DNAJC7: variants seen among roughly 807,000 people sequenced by gnomAD.
DNAJC7 encodes DnaJ heat shock protein family (Hsp40) member C7.
Under a neutral mutation model 67.4 loss-of-function variants are expected in DNAJC7, and 18 were observed. The ratio of observed to expected loss-of-function variants is 0.27; its 90% CI spans 0.18 to 0.40. The LOEUF is 0.40. Ranked by LOEUF, DNAJC7 falls within the 10% of genes least tolerant of loss-of-function variation. DNAJC7 has a pLI of 1.00. For missense variants in DNAJC7, 419 were observed against 613.8 expected (o/e 0.68, Z 3.35); for synonymous variants, 220 against 207.8 (o/e 1.06, Z -0.50).
chr17:41,994,422 CA>C (rs538034284), intron 5 of DNAJC7, among the ~76,000 whole-genome samples: 51 of 147,024 alleles, frequency 3.5e-4, no homozygotes, highest in South Asian at 2.6e-3. Flanking sequence ...CCTGTAATCC[CA>C]GGGTGGCTGA....
chr17:42,016,939 G>T, intron 1 of DNAJC7: 2 of 1,149,942 alleles, frequency 1.7e-6, no homozygotes, highest in South Asian at 1.8e-5. Flanking sequence ...TTTGGAGACG[G>T]AAAGTGCAGA....
rs782731150 is a variant in DNAJC7 at position 41,997,211 on chromosome 17, A to G, written c.195T>C (p.Tyr65=). 22 of 1,613,806 alleles carry G rather than the reference A, an allele frequency of 1.4e-5. No individual in the cohort carries two copies. In the African/African-American group the frequency reaches 1.7e-4, roughly 13 times the overall value. Residue 65 remains tyrosine, a synonymous_variant, in exon 3 of 14, where the codon TAT becomes TAC. Coordinates refer to ENST00000457167, the MANE Select transcript of DNAJC7 (RefSeq NM_003315.4). The stretch of plus-strand genomic sequence containing the variant: ...TCATCAAGGTGGCTGCTCGATTACC[A>G]TAATAGCTAGCATTTTTAGGACACA... ...IDMCPKNASY[Y]GNRAATLMML... is the part of the protein sequence containing the mutation.
intron 12 of DNAJC7, among the ~76,000 whole-genome samples, chr17:41,981,382 G>C (rs140110380): frequency 1.3e-3 from 200 of 152,244 alleles, no homozygotes; most frequent in African/African-American, 4.7e-3. Context: ...TTTTAGTAGA[G>C]ACGAGGTTTC....
chr17:42,013,300 A>T (rs1598156555), intron 1 of DNAJC7: 1 of 152,374 alleles, frequency 6.6e-6, no homozygotes, highest in East Asian at 1.9e-4. Flanking sequence ...ATGCAAAAAA[A>T]TTGAAATCCA....
chr17:42,016,128 G>A (rs542645701), intron 1 of DNAJC7: 5 of 152,268 alleles, frequency 3.3e-5, no homozygotes, highest in African/African-American at 1.2e-4. Context: ...TATCCCAGGG[G>A]CCTATTACAC....
chr17:42,008,174 T>C (rs1449149329), intron 1 of DNAJC7, among the ~76,000 whole-genome samples: 1 of 150,742 alleles, frequency 6.6e-6, no homozygotes, highest in Non-Finnish European at 1.5e-5. Flanking sequence ...TAGCCGGGCA[T>C]GATGGAGGGT....
chr17:41,977,333 A>C lies in DNAJC7; in HGVS notation c.1385-10T>G. 1 of 1,574,352 alleles carries C rather than the reference A, an allele frequency of 6.4e-7. No homozygotes were observed. ...TTGTTTGGATCAAAATCTGTAGAGC[A>C]GGGCAAGTAACATGGAAGGGAAGAA... On this transcript the variant is annotated splice_polypyrimidine_tract_variant and intron_variant, in intron 12 of 13. Transcript: ENST00000457167.
chr17:41,979,690 C>T (rs8066921), intron 12 of DNAJC7, among the ~76,000 whole-genome samples: 103,259 of 138,146 alleles, frequency 0.75, 40,479 homozygotes, highest in East Asian at 0.86. Context: ...AGGCCGGGCG[C>T]GGTGGCTCAC....
intron 9 of DNAJC7, chr17:41,985,184 A>T (rs531940480): frequency 1.3e-5 from 2 of 152,342 alleles, no homozygotes; most frequent in African/African-American, 2.4e-5. Context: ...CCAGGGCAGG[A>T]GAGTGCTACC....
At chr17:41,996,981 G>A in intron 3 of DNAJC7, 134 bp downstream of exon 3, 2 of 1,376,554 alleles carry the variant, frequency 1.5e-6, no homozygotes, top group South Asian at 2.8e-5. Flanking sequence ...AACCCACAGT[G>A]CACAGTAAAG....
chr17:42,002,378 C>T (rs1328615516), intron 1 of DNAJC7, among the ~76,000 whole-genome samples: 1 of 152,142 alleles, frequency 6.6e-6, no homozygotes, highest in East Asian at 1.9e-4. Flanking sequence ...CAGTATAAAG[C>T]TTGTTAGTCG....
At position 42,001,445 on chromosome 17, in the gene DNAJC7, G is replaced by A. The variant is rs1598143778; in HGVS notation, c.78-875C>T. 2.6e-5 allele frequency among the ~76,000 whole-genome samples: 4 copies of A among 152,232 alleles called. 1 individual carries two copies. The highest frequency in any genetic ancestry group is 3.9e-4 in the East Asian group (2 of 5,182). On this transcript the variant is annotated intron_variant, in intron 1 of 13. Transcript: ENST00000457167. ...TTATATAATTGGGAATTAGATTCCC[G>A]AGCAAGTACCTAGAATCAAATCAGA... is the stretch of plus-strand genomic sequence containing the variant.
At chr17:41,983,764 G>A (rs113093539) in intron 9 of DNAJC7, 128 bp from the exon 10 acceptor site, 7 of 710,938 alleles carry the variant, frequency 9.8e-6, no homozygotes, top group African/African-American at 3.6e-5. Context: ...TCAGAAACAG[G>A]AGCCCTTAAT....
intron 1 of DNAJC7, among the ~76,000 whole-genome samples, chr17:42,008,510 C>T (rs1297151425): frequency 2.7e-5 from 4 of 150,904 alleles, no homozygotes; most frequent in South Asian, 2.1e-4. Flanking sequence ...CCTAGGTTCA[C>T]GCCATTCTCC....
At chr17:42,012,784 T>A (rs550958233) in intron 1 of DNAJC7, among the ~76,000 whole-genome samples, 5 of 152,150 alleles carry the variant, frequency 3.3e-5, no homozygotes, top group African/African-American at 7.2e-5. Flanking sequence ...AACTAATATA[T>A]CTTTTATTTT....
chr17:41,979,657 TAAAA>T (rs71155200), intron 12 of DNAJC7, among the ~76,000 whole-genome samples: 8 of 47,868 alleles, frequency 1.7e-4, no homozygotes, highest in South Asian at 1.4e-3. Context: ...GGCTCAGTCT[TAAAA>T]AAAAAAAAAA....
chr17:42,007,905 G>A (rs527759044), intron 1 of DNAJC7, among the ~76,000 whole-genome samples: 66 of 144,808 alleles, frequency 4.6e-4, no homozygotes, highest in African/African-American at 1.7e-3. Flanking sequence ...GAGTGCAATG[G>A]CGTGATCTCA....
intron 1 of DNAJC7, among the ~76,000 whole-genome samples, chr17:42,005,400 T>C (rs149054947): frequency 7.2e-5 from 11 of 152,360 alleles, no homozygotes; most frequent in African/African-American, 2.6e-4. Context: ...TACTTCCAAG[T>C]TGAACACTTA....
intron 1 of DNAJC7, among the ~76,000 whole-genome samples, chr17:42,007,838 CTTTTT>C (rs140104313): frequency 2.7e-4 from 12 of 44,512 alleles, no homozygotes; most frequent in South Asian, 9.2e-4. Flanking sequence ...AAAAAACTGC[CTTTTT>C]TTTTTTTTTT....
Sources: allele counts gnomAD v4.1 joint callset (sites outside exome capture counted in the v4.1 genomes callset), GRCh38; gene constraint gnomAD v4.1.1; transcripts MANE v1.5; gene names NCBI Gene and HGNC (gene_info 2026-07-23, HGNC 2026-07-21).